The following AKT3 variants were observed in gnomAD, a reference collection of about 807,000 sequenced individuals.
AKT3 encodes AKT serine/threonine kinase 3.
AKT3 carries 15 observed loss-of-function variants against 65.3 expected under a neutral mutation model. The observed-to-expected ratio is 0.23, with a 90% confidence interval of 0.15 to 0.35. The LOEUF (loss-of-function observed/expected upper bound fraction) is 0.35, where lower values mean the gene tolerates loss of function less well. AKT3 is among the 10% of genes least tolerant of loss of function. The probability of loss-of-function intolerance (pLI) is 1.00; values close to 1 mark genes in which losing one functional copy is unlikely to be tolerated. For synonymous variants in AKT3, 206 were observed against 183.8 expected, an observed-to-expected ratio of 1.12 and a Z score of -0.98; for missense variants, 243 against 576.5, an observed-to-expected ratio of 0.42 and a Z score of 5.92.
intron 2 of AKT3, among the ~76,000 whole-genome samples, chr1:243,819,318 G>A (rs931671788): frequency 6.6e-6 from 1 of 152,208 alleles, no homozygotes; most frequent in African/African-American, 2.4e-5. Context: ...GTGCCAGGGA[G>A]ACTGGACGGT....
intron 1 of AKT3, among the ~76,000 whole-genome samples, chr1:243,845,035 A>G (rs1379208016): frequency 6.6e-6 from 1 of 152,164 alleles, no homozygotes; most frequent in African/African-American, 2.4e-5. Flanking sequence ...TACTCTCTCA[A>G]CTTGGTTTGT....
chr1:243,801,198 CATA>C (rs1189172095), intron 2 of AKT3, among the ~76,000 whole-genome samples: 2 of 151,952 alleles, frequency 1.3e-5, no homozygotes, highest in Non-Finnish European at 2.9e-5. Flanking sequence ...GGGCCTATCC[CATA>C]ATGAGTATTA....
At chr1:243,804,989 A>C (rs1692637385) in intron 2 of AKT3, among the ~76,000 whole-genome samples, 1 of 152,178 alleles carries the variant, frequency 6.6e-6, no homozygotes, top group Non-Finnish European at 1.5e-5. Flanking sequence ...ATGGTAGAAC[A>C]TACCACAACT....
intron 9 of AKT3, among the ~76,000 whole-genome samples, chr1:243,566,021 G>C (rs1227341057): frequency 2.6e-5 from 4 of 152,016 alleles, no homozygotes; most frequent in African/African-American, 9.7e-5. Context: ...CATCTAGTTT[G>C]GTGTGTAATG....
chr1:243,804,007 G>C (rs1156872158), intron 2 of AKT3, among the ~76,000 whole-genome samples: 2 of 152,172 alleles, frequency 1.3e-5, no homozygotes, highest in Non-Finnish European at 2.9e-5. Flanking sequence ...ATGAAGCCAT[G>C]GCAGGTGGAA....
chr1:243,791,467 A>G (rs1171183423), intron 2 of AKT3, among the ~76,000 whole-genome samples: 1 of 152,180 alleles, frequency 6.6e-6, no homozygotes, highest in African/African-American at 2.4e-5. Flanking sequence ...ACGCCTAAAA[A>G]CAACTCTGAT....
chr1:243,850,867 C>A (rs1290592917), upstream of AKT3, among the ~76,000 whole-genome samples: 1 of 152,084 alleles, frequency 6.6e-6, no homozygotes, highest in Non-Finnish European at 1.5e-5. Flanking sequence ...GGGTTTCCCC[C>A]TCGCCCGCGT....
chr1:243,533,949 C>T (rs1671730346), intron 12 of AKT3, among the ~76,000 whole-genome samples: 2 of 152,244 alleles, frequency 1.3e-5, no homozygotes, highest in South Asian at 4.2e-4. Flanking sequence ...CAGATTGTGC[C>T]ACTGCACTCC....
At chr1:243,803,988 T>C (rs1241655307) in intron 2 of AKT3, among the ~76,000 whole-genome samples, 1 of 152,204 alleles carries the variant, frequency 6.6e-6, no homozygotes, top group Non-Finnish European at 1.5e-5. Flanking sequence ...AACAGAAGCC[T>C]GCTTGAGAAT....
At chr1:243,605,016 A>G (rs1320121285) in intron 8 of AKT3, among the ~76,000 whole-genome samples, 1 of 152,034 alleles carries the variant, frequency 6.6e-6, no homozygotes, top group Non-Finnish European at 1.5e-5. Context: ...GTACAATAAT[A>G]TAGTCTTTTT....
chr1:243,534,351 T>C lies in AKT3; in HGVS notation c.1251+11159A>G, dbSNP rs1270624461. On this transcript the variant is annotated intron_variant, in intron 12 of 13. Coordinates refer to ENST00000673466, the MANE Select transcript of AKT3 (RefSeq NM_005465.7). ...AACATAACAGTCCTTAATGTGTATG[T>C]GTCTAGCAACAGAATCAAAATACGT... 3.3e-5 allele frequency among the ~76,000 whole-genome samples: 5 copies of C among 152,214 alleles called. No individual in the cohort carries two copies. In the East Asian group the frequency reaches 9.6e-4, roughly 29 times the overall value.
At chr1:243,506,367 C>A (rs1016032480) in intron 13 of AKT3, among the ~76,000 whole-genome samples, 3 of 152,226 alleles carry the variant, frequency 2.0e-5, no homozygotes, top group Non-Finnish European at 2.9e-5. Flanking sequence ...AATTCGATGT[C>A]CTCAAACCCA....
intron 13 of AKT3, among the ~76,000 whole-genome samples, chr1:243,491,631 C>CTGCGA (rs1666434002): frequency 6.6e-6 from 1 of 152,210 alleles, no homozygotes; most frequent in African/African-American, 2.4e-5. Context: ...GCTTCAGCCT[C>CTGCGA]TGCGATGCCT....
intron 1 of AKT3, among the ~76,000 whole-genome samples, chr1:243,849,699 CG>C (rs1156344945): frequency 6.6e-6 from 1 of 151,596 alleles, no homozygotes; most frequent in Non-Finnish European, 1.5e-5. Flanking sequence ...CAGCAGGCGC[CG>C]GGCCGGGGCA....
intron 13 of AKT3, among the ~76,000 whole-genome samples, chr1:243,506,095 T>C (rs544289039): frequency 6.6e-6 from 1 of 152,372 alleles, no homozygotes; most frequent in Admixed American, 6.5e-5. Flanking sequence ...TTGGAAGCTC[T>C]TCCTGGTATG....
At position 243,504,054 on chromosome 1, in the gene AKT3, A is replaced by C; in HGVS notation, c.*1195T>G. 4.4e-6 allele frequency: 1 copy of C among 224,802 alleles called. No homozygotes were observed. The highest frequency in any genetic ancestry group is 2.2e-5 in the African/African-American group (1 of 44,964). 13.9% of individuals were successfully genotyped at this position (224,802 alleles called of 1,614,324 possible). A position where few individuals can be genotyped will look rare whatever the true frequency, so the allele number is the denominator to read the frequency against. ...CTTCTCCCAAAGCCAAATTCTAACCAATATATTCCATTTCAGAGCCTTATC... is the reference window on the plus strand; with the variant it reads ...CTTCTCCCAAAGCCAAATTCTAACCCATATATTCCATTTCAGAGCCTTATC... On this transcript the variant is annotated 3_prime_UTR_variant, in exon 14 of 14. Transcript: ENST00000673466.
At chr1:243,757,295 A>G (rs973433461) in intron 2 of AKT3, among the ~76,000 whole-genome samples, 1 of 152,218 alleles carries the variant, frequency 6.6e-6, no homozygotes, top group South Asian at 2.1e-4. Context: ...ACAGTAAAGG[A>G]GCATCTCACT....
intron 1 of AKT3, among the ~76,000 whole-genome samples, chr1:243,843,896 C>T (rs1695397180): frequency 6.6e-6 from 1 of 151,878 alleles, no homozygotes; most frequent in African/African-American, 2.4e-5. Flanking sequence ...ATGATCCACC[C>T]GCCTCAGCCT....
intron 12 of AKT3, among the ~76,000 whole-genome samples, chr1:243,537,585 T>TA (rs1672018427): frequency 6.6e-6 from 1 of 152,210 alleles, no homozygotes; most frequent in Admixed American, 6.6e-5. Flanking sequence ...ATTACTGCAG[T>TA]AGTCTCTTAA....
Sources: allele counts gnomAD v4.1 joint callset (sites outside exome capture counted in the v4.1 genomes callset), GRCh38; gene constraint gnomAD v4.1.1; transcripts MANE v1.5; gene names NCBI Gene and HGNC (gene_info 2026-07-23, HGNC 2026-07-21).